Variants in GPI observed in about 807,000 individuals in gnomAD.
GPI encodes the protein D-hexose-6-phosphate anomerase.
In GPI, 56 loss-of-function variants were observed where a neutral mutation model predicts 75.8. The observed-to-expected ratio is 0.74, with a 90% CI of 0.60 to 0.92. GPI has a LOEUF of 0.92. GPI is among the 40% of genes least tolerant of loss of function. The pLI is 0.00. For missense variants in GPI, 638 were observed against 741.0 expected, an observed-to-expected ratio of 0.86 and a Z score of 1.61; for synonymous variants, 288 against 285.4, an observed-to-expected ratio of 1.01 and a Z score of -0.09.
At chr19:34,379,637 C>T (rs953727225) in intron 8 of GPI, 75 bp downstream of exon 8, 28 of 1,226,884 alleles carry the variant, frequency 2.3e-5, no homozygotes, top group East Asian at 1.6e-4. Flanking sequence ...CTCTCAGAGA[C>T]GCGGTTCGTA....
intron 2 of GPI, 35 bp downstream of exon 2, chr19:34,366,470 C>T (rs750026300): frequency 8.3e-6 from 12 of 1,445,652 alleles, no homozygotes; most frequent in African/African-American, 5.6e-5. Context: ...AACTGGTAAC[C>T]GACAGAGTGG....
At chr19:34,377,219 G>A (rs892478802) in intron 4 of GPI, among the ~76,000 whole-genome samples, 14 of 139,688 alleles carry the variant, frequency 1.0e-4, no homozygotes, top group African/African-American at 3.5e-4. Flanking sequence ...GGAGAATGAC[G>A]TGAACCTGGG....
At chr19:34,397,076 G>A (rs1374026361) in intron 14 of GPI, among the ~76,000 whole-genome samples, 1 of 152,116 alleles carries the variant, frequency 6.6e-6, no homozygotes, top group Non-Finnish European at 1.5e-5. Context: ...CTCCCTAAGT[G>A]CTGGGATTAT....
chr19:34,390,959 GGT>G (rs1379009542), intron 9 of GPI, among the ~76,000 whole-genome samples: 1 of 131,222 alleles, frequency 7.6e-6, no homozygotes, highest in Admixed American at 7.5e-5. Context: ...ACCTGGCACA[GGT>G]ATGAGGATCT....
chr19:34,377,301 C>CAAAAAAAAAAAA (rs1169701523), intron 4 of GPI, among the ~76,000 whole-genome samples: 1 of 15,468 alleles, frequency 6.5e-5, no homozygotes. Context: ...GGCTTCATCT[C>CAAAAAAAAAAAA]AAAAAAAAAA....
In GPI at chr19:34,396,622, A is replaced by G; in HGVS notation, c.1234A>G (p.Thr412Ala). ...IPCDFLIPVQ[T>A]QHPIRKGLHH... is the part of the protein sequence containing the mutation. The stretch of plus-strand genomic sequence containing the variant: ...CTGTGACTTCCTCATCCCGGTCCAG[A>G]CCCAGCACCCCATACGGAAGGGTCT... The change falls in exon 14 of 18, where the codon ACC (threonine) becomes GCC (alanine). Residue 412 changes from threonine (T) to alanine (A), a missense_variant. Coordinates refer to ENST00000356487, the MANE Select transcript of GPI (RefSeq NM_000175.5). 6.2e-7 allele frequency: 1 copy of G among 1,614,146 alleles called. No individual in the cohort carries two copies. The highest frequency in any genetic ancestry group is 2.2e-5 in the East Asian group (1 of 44,870).
At chr19:34,377,639 C>T in intron 5 of GPI, 53 bp downstream of exon 5, 1 of 1,583,774 alleles carries the variant, frequency 6.3e-7, no homozygotes, top group South Asian at 1.1e-5. Context: ...CTGTTGGTCC[C>T]ACTCAGGTCT....
chr19:34,368,957 T>A (rs1489939052), intron 4 of GPI: 9 of 576,478 alleles, frequency 1.6e-5, no homozygotes, highest in Admixed American at 1.4e-4. Context: ...TGTAGACACC[T>A]ATGGACTCAT....
intron 3 of GPI, among the ~76,000 whole-genome samples, chr19:34,367,992 C>A (rs1013980934): frequency 6.6e-6 from 1 of 152,208 alleles, no homozygotes; most frequent in South Asian, 2.1e-4. Flanking sequence ...GCGATCTTGG[C>A]TCACTGCAAC....
intron 8 of GPI, 76 bp from the exon 9 acceptor site, chr19:34,381,390 C>T (rs1219801174): frequency 1.0e-6 from 1 of 960,302 alleles, no homozygotes; most frequent in African/African-American, 1.6e-5. Flanking sequence ...CAGCTCCCTG[C>T]CTCCCGGAGC....
chr19:34,402,124 G>C lies in GPI; in HGVS notation c.*2088G>C, dbSNP rs2075031334. ...GCGCCCGGCTCATTTTAAAATTTTT[G>C]TAGATCAGTGTACTGTTGTAAAAAA... On this transcript the variant is annotated 3_prime_UTR_variant, in exon 18 of 18. Transcript: ENST00000356487. 1 of 150,882 alleles carries C rather than the reference G, an allele frequency of 6.6e-6. No homozygotes were observed. The highest frequency in any genetic ancestry group is 2.4e-5 in the African/African-American group (1 of 40,998). The allele number at this position is 150,882 out of a possible 1,614,324, so 9.3% of individuals were successfully genotyped here.
At chr19:34,366,940 C>T (rs751559127) in intron 3 of GPI, 89 bp downstream of exon 3, 3 of 994,578 alleles carry the variant, frequency 3.0e-6, no homozygotes, top group Non-Finnish European at 4.9e-6. Flanking sequence ...TGTCTTCACC[C>T]CTTCTCTTGG....
At chr19:34,366,698 G>T in intron 2 of GPI, 85 bp from the exon 3 acceptor site, 1 of 931,018 alleles carries the variant, frequency 1.1e-6, no homozygotes. Flanking sequence ...TCTCATTGGG[G>T]ACAGCACCAA....
chr19:34,391,099 T>C (rs989644069), intron 9 of GPI, among the ~76,000 whole-genome samples: 1 of 151,334 alleles, frequency 6.6e-6, no homozygotes, highest in African/African-American at 2.4e-5. Context: ...GGAGGTGAGT[T>C]TGGACTCAGG....
chr19:34,396,766 G>A (rs117414409), intron 14 of GPI, 109 bp downstream of exon 14: 96 of 821,842 alleles, frequency 1.2e-4, no homozygotes, highest in Admixed American at 3.4e-4. Flanking sequence ...TATTCCTGCC[G>A]TAACAAATGA....
intron 6 of GPI, 102 bp from the exon 7 acceptor site, chr19:34,378,832 G>A (rs2074593990): frequency 2.4e-6 from 2 of 826,008 alleles, no homozygotes; most frequent in Non-Finnish European, 4.3e-6. Flanking sequence ...ACTGCTCCAT[G>A]GGACAGCTGG....
intron 9 of GPI, among the ~76,000 whole-genome samples, chr19:34,390,897 G>A (rs1345975661): frequency 7.6e-6 from 1 of 131,696 alleles, no homozygotes; most frequent in Non-Finnish European, 1.7e-5. Context: ...TGAGGAGGTA[G>A]CACCTGGCAC....
rs1444149756 is a variant in GPI, at chr19:34,393,685, G to A, written c.866-43G>A. The stretch of plus-strand genomic sequence containing the variant: ...GAGCTGTGCCCACTGCCCACAGGAC[G>A]CAGGGTGTGGCCACTTCTGTTGACT... On this transcript the variant is annotated intron_variant, in intron 10 of 17. Coordinates refer to ENST00000356487, the MANE Select transcript of GPI (RefSeq NM_000175.5). This position sits in a 1 kb window ranked among gnomAD's most constrained non-coding sequence, Gnocchi z 4.4. 3.1e-6 allele frequency: 5 copies of A among 1,602,152 alleles called. No homozygotes were observed. The highest frequency in any genetic ancestry group is 2.2e-5 in the East Asian group (1 of 44,820).
chr19:34,394,467 G>A (rs1207898826), intron 12 of GPI, among the ~76,000 whole-genome samples: 2 of 52,612 alleles, frequency 3.8e-5, no homozygotes, highest in African/African-American at 7.0e-5. Flanking sequence ...ATCTGGTACA[G>A]GTATGAGGAC....
Sources: gnomAD v4.1 joint callset for allele counts (sites outside exome capture counted in the v4.1 genomes callset) on GRCh38, gnomAD v4.1.1 for gene constraint, Gnocchi (gnomAD v3.1) non-coding constraint, MANE v1.5 for transcripts, NCBI Gene and HGNC (gene_info 2026-07-23, HGNC 2026-07-21) for gene names.